Variants in PTPRA observed in about 807,000 individuals in gnomAD.
PTPRA encodes the protein receptor-type tyrosine-protein phosphatase alpha.
In PTPRA, 25 loss-of-function variants were observed where a neutral mutation model predicts 104.8. The ratio of observed to expected loss-of-function variants is 0.24; its 90% confidence interval spans 0.17 to 0.33. The LOEUF (loss-of-function observed/expected upper bound fraction) is 0.33, where lower values mean the gene tolerates loss of function less well. PTPRA is among the 10% of genes least tolerant of loss of function. The pLI is 1.00. For synonymous variants in PTPRA, 323 were observed against 368.9 expected (o/e 0.88, Z 1.43); for missense variants, 765 against 1,015.3 (o/e 0.75, Z 3.35).
At position 3,038,163 on chromosome 20, in the gene PTPRA, A is replaced by G. The variant is rs200093624; in HGVS notation, c.*30A>G. On this transcript the variant is annotated 3_prime_UTR_variant, in exon 24 of 24. Transcript: ENST00000399903. ...CAACAAGGGTCCGTGGACCAGGAGG[A>G]TTGCCTTTAATATTTTGTAATATTC... 2 of 1,555,600 alleles carry G rather than the reference A, an allele frequency of 1.3e-6. No homozygotes were observed. The highest frequency in any genetic ancestry group is 1.8e-6 in the Non-Finnish European group (2 of 1,127,300).
At chr20:3,029,311 TG>T (rs1468753076) in intron 20 of PTPRA, among the ~76,000 whole-genome samples, 3 of 151,848 alleles carry the variant, frequency 2.0e-5, no homozygotes, top group African/African-American at 7.3e-5. Flanking sequence ...AGCTAGTTTT[TG>T]TATTTTTTTG....
chr20:3,000,391 A>C (rs549911514), intron 9 of PTPRA, among the ~76,000 whole-genome samples: 69 of 152,220 alleles, frequency 4.5e-4, no homozygotes, highest in Non-Finnish European at 9.0e-4. Flanking sequence ...GATGAACCTC[A>C]TTAATAATCA....
intron 3 of PTPRA, among the ~76,000 whole-genome samples, chr20:2,948,813 G>A (rs376358894): frequency 7.3e-4 from 111 of 152,096 alleles, no homozygotes; most frequent in Middle Eastern, 6.8e-3. Context: ...TTAGCTGGGC[G>A]TGGTGGCGGG....
intron 5 of PTPRA, among the ~76,000 whole-genome samples, chr20:2,971,942 C>T (rs1173128113): frequency 1.3e-5 from 2 of 152,106 alleles, no homozygotes; most frequent in Non-Finnish European, 2.9e-5. Context: ...TCAAGTGATT[C>T]CCCTGCCTCA....
At chr20:2,957,291 T>TA (rs998189769) in intron 3 of PTPRA, among the ~76,000 whole-genome samples, 10 of 147,922 alleles carry the variant, frequency 6.8e-5, no homozygotes, top group South Asian at 2.1e-4. Context: ...TCTCAAATAA[T>TA]AAAAAAAAAA....
chr20:3,018,859 C>G (rs1313908813), intron 13 of PTPRA, among the ~76,000 whole-genome samples: 9 of 46,078 alleles, frequency 2.0e-4, no homozygotes, highest in South Asian at 8.9e-4. Flanking sequence ...GGGGGCTGAT[C>G]CCCCCACCTC....
At position 3,022,251 on chromosome 20, in the gene PTPRA, C is replaced by T. The variant is rs1698274460; in HGVS notation, c.1328+31C>T. 1 of 1,609,244 alleles carries T rather than the reference C, an allele frequency of 6.2e-7. No homozygotes were observed. The highest frequency in any genetic ancestry group is 8.5e-7 in the Non-Finnish European group (1 of 1,176,754). Reference sequence around the variant, plus strand: ...TGTGGCCTGACCCTTGTACCCCCACCCCCACATTTCGCCCCCATGGCCAGA... The same window carrying T: ...TGTGGCCTGACCCTTGTACCCCCACTCCCACATTTCGCCCCCATGGCCAGA... On this transcript the variant is annotated intron_variant, in intron 15 of 23. Transcript: ENST00000399903. This position sits in a 1 kb window ranked among gnomAD's most constrained non-coding sequence, Gnocchi z 4.6.
At chr20:2,864,765 C>T in the PTPRA span, 3 of 1,263,666 alleles carry the variant, frequency 2.4e-6, no homozygotes, top group African/African-American at 4.4e-5. The surrounding 1 kb of genome is among the most constrained non-coding windows in gnomAD (Gnocchi z 5.2). Context: ...CCATCTGGTC[C>T]TCACTGTGAG....
At chr20:2,909,785 AATAT>A (rs1371797401) in intron 1 of PTPRA, among the ~76,000 whole-genome samples, 1 of 134,362 alleles carries the variant, frequency 7.4e-6, no homozygotes, top group Non-Finnish European at 1.5e-5. Context: ...AAGATAATAT[AATAT>A]ATATTAGATA....
chr20:2,865,335 C>A, the PTPRA span: 1 of 1,614,066 alleles, frequency 6.2e-7, no homozygotes, highest in South Asian at 1.1e-5. This position sits in a 1 kb window ranked among gnomAD's most constrained non-coding sequence, Gnocchi z 5.2. Flanking sequence ...AGGGCCCAGG[C>A]TGCATGTGGG....
chr20:2,923,962 C>T (rs546850650), intron 2 of PTPRA, among the ~76,000 whole-genome samples: 4 of 152,244 alleles, frequency 2.6e-5, no homozygotes, highest in East Asian at 1.9e-4. Flanking sequence ...ATACACGTAT[C>T]TAATAACCCA....
At chr20:2,866,797 C>T in the PTPRA span, 2 of 608,276 alleles carry the variant, frequency 3.3e-6, no homozygotes, top group African/African-American at 1.9e-5. Flanking sequence ...CTCCAGACAC[C>T]ACAGCAAAAC....
intron 7 of PTPRA, 58 bp from the exon 8 acceptor site, chr20:2,987,974 G>A (rs373107815): frequency 8.5e-6 from 12 of 1,416,530 alleles, no homozygotes; most frequent in Non-Finnish European, 9.0e-6. Flanking sequence ...ATACAGAGGT[G>A]TGATTTGCCT....
At position 3,030,776 on chromosome 20, in the gene PTPRA, C is replaced by T. The variant is rs542534483; in HGVS notation, c.1920+2935C>T. Among the ~76,000 whole-genome samples the T allele has an allele frequency of 4.1e-5, 6 of 147,984 alleles. No homozygotes were observed. In the South Asian group the frequency reaches 1.3e-3, roughly 33 times the overall value. ...TCTCAGCTCGCTGCAACCTCCACCT[C>T]CAGGGTTCAAGTGATTCTCCCACCT... On this transcript the variant is annotated intron_variant, in intron 20 of 23. Transcript: ENST00000399903.
intron 6 of PTPRA, among the ~76,000 whole-genome samples, chr20:2,978,514 T>C (rs946797744): frequency 6.6e-6 from 1 of 152,200 alleles, no homozygotes; most frequent in Non-Finnish European, 1.5e-5. Flanking sequence ...TTGACCAGTG[T>C]GTGTCTGAAG....
chr20:2,910,592 T>TTG (rs1355715561), intron 1 of PTPRA, among the ~76,000 whole-genome samples: 8 of 126,936 alleles, frequency 6.3e-5, no homozygotes, highest in African/African-American at 2.6e-4. Flanking sequence ...TTTTTTTGTT[T>TTG]TTTTTTTGTT....
chr20:2,937,994 A>G (rs2060770313), intron 2 of PTPRA, among the ~76,000 whole-genome samples: 1 of 151,868 alleles, frequency 6.6e-6, no homozygotes, highest in Non-Finnish European at 1.5e-5. Context: ...ACTTTTCTTT[A>G]GTTTTTAGAA....
the PTPRA span, chr20:2,865,634 C>A: frequency 1.6e-5 from 13 of 790,030 alleles, no homozygotes; most frequent in Admixed American, 3.1e-4. The surrounding 1 kb of genome is among the most constrained non-coding windows in gnomAD (Gnocchi z 5.2). Context: ...TTCCTGTATA[C>A]ACATTTGTGG....
At chr20:2,900,790 T>C (rs2147101533) in intron 1 of PTPRA, among the ~76,000 whole-genome samples, 1 of 148,344 alleles carries the variant, frequency 6.7e-6, no homozygotes, top group Middle Eastern at 3.6e-3. Context: ...TCAGGAGGCA[T>C]AGGTTGCAGT....
Sources: allele counts gnomAD v4.1 joint callset (sites outside exome capture counted in the v4.1 genomes callset), GRCh38; gene constraint gnomAD v4.1.1; non-coding constraint Gnocchi (gnomAD v3.1); transcripts MANE v1.5; gene names NCBI Gene and HGNC (gene_info 2026-07-23, HGNC 2026-07-21).